Variants in GALNT6 observed in about 807,000 individuals in gnomAD.
GALNT6 encodes polypeptide N-acetylgalactosaminyltransferase 6.
A neutral mutation model predicts 65.9 loss-of-function variants in GALNT6; 51 were observed. The observed-to-expected ratio is 0.77, with a 90% confidence interval of 0.62 to 0.98. The LOEUF is 0.98. GALNT6 is among the 50% of genes least tolerant of loss of function. The probability of loss-of-function intolerance (pLI) is 0.00; values close to 1 mark genes in which losing one functional copy is unlikely to be tolerated. For missense variants in GALNT6, 708 were observed against 803.3 expected, an observed-to-expected ratio of 0.88 and a Z score of 1.43; for synonymous variants, 323 against 315.1, an observed-to-expected ratio of 1.02 and a Z score of -0.26.
chr12:51,358,203 T>C lies in GALNT6; in HGVS notation c.1427A>G (p.Asn476Ser), dbSNP rs1946808643. Residue 476 changes from asparagine to serine, a missense_variant, in exon 9 of 12, where the codon AAC (asparagine) becomes AGC (serine). Transcript: ENST00000356317. ...GACATTGTGCAGGTACCAGGAAAAG[T>C]TGTGACAGTGCAGTTGTTCCCTCAG... ...LQLREQLHCH[N>S]FSWYLHNVYP... 8 of 1,613,894 alleles carry C rather than the reference T, an allele frequency of 5.0e-6. No homozygotes were observed. The highest frequency in any genetic ancestry group is 1.3e-5 in the African/African-American group (1 of 74,888).
chr12:51,358,981 T>C, intron 8 of GALNT6, 151 bp downstream of exon 8: 1 of 678,964 alleles, frequency 1.5e-6, no homozygotes, highest in Non-Finnish European at 2.6e-6. Flanking sequence ...CCTTGTGGCC[T>C]TCTCCTGGGC....
chr12:51,362,441 C>T (rs185782129), intron 6 of GALNT6, among the ~76,000 whole-genome samples: 14 of 152,156 alleles, frequency 9.2e-5, no homozygotes, highest in African/African-American at 2.4e-4. Flanking sequence ...GGGGTGGGGG[C>T]GCTACATGAA....
intron 2 of GALNT6, among the ~76,000 whole-genome samples, chr12:51,390,498 C>G (rs999215830): frequency 6.6e-6 from 1 of 152,182 alleles, no homozygotes; most frequent in Non-Finnish European, 1.5e-5. Context: ...CTCACCTGAC[C>G]TGGTTTTCAT....
At chr12:51,356,058 G>C (rs1946735007) in intron 10 of GALNT6, 100 bp from the exon 11 acceptor site, 4 of 1,006,568 alleles carry the variant, frequency 4.0e-6, no homozygotes, top group African/African-American at 1.6e-5. Context: ...CTGGGGAGGA[G>C]AGTGAATGTG....
At position 51,353,244 on chromosome 12, in the gene GALNT6, T is replaced by C. The variant is rs1226640184; in HGVS notation, c.*1135A>G. The C allele has an allele frequency of 6.6e-6, 1 of 152,294 alleles. No individual in the cohort carries two copies. The highest frequency in any genetic ancestry group is 1.9e-4 in the East Asian group (1 of 5,184). 9.4% of individuals were successfully genotyped at this position (152,294 alleles called of 1,614,324 possible). A position where few individuals can be genotyped will look rare whatever the true frequency, so the allele number is the denominator to read the frequency against. On this transcript the variant is annotated 3_prime_UTR_variant, in exon 12 of 12. Coordinates refer to ENST00000356317, the MANE Select transcript of GALNT6 (RefSeq NM_007210.4). ...TCCTGTCTTTCTCACAGGATTACTGTACAGATAAAGTAAGATAAAGGACAC... is the reference window on the plus strand; with the variant it reads ...TCCTGTCTTTCTCACAGGATTACTGCACAGATAAAGTAAGATAAAGGACAC...
chr12:51,374,084 T>C (rs1375366178), intron 4 of GALNT6, among the ~76,000 whole-genome samples: 1 of 152,112 alleles, frequency 6.6e-6, no homozygotes, highest in Admixed American at 6.5e-5. Flanking sequence ...GGTCTTGAAC[T>C]CCTGGCCTCA....
At chr12:51,378,934 C>T (rs918854535) in intron 3 of GALNT6, among the ~76,000 whole-genome samples, 1 of 150,694 alleles carries the variant, frequency 6.6e-6, no homozygotes. Context: ...TGGAGCAGGC[C>T]TCAGTAGAGG....
At chr12:51,380,009 C>T (rs1423005495) in intron 2 of GALNT6, 125 bp from the exon 3 acceptor site, 4 of 555,184 alleles carry the variant, frequency 7.2e-6, no homozygotes, top group South Asian at 2.5e-5. Flanking sequence ...CCACAACTTT[C>T]CCATATCTAC....
chr12:51,366,374 G>A (rs1947108413), intron 4 of GALNT6, among the ~76,000 whole-genome samples: 2 of 152,184 alleles, frequency 1.3e-5, no homozygotes, highest in Admixed American at 6.5e-5. Context: ...CGGTAACGTC[G>A]ATGGGTGGGC....
In GALNT6 at chr12:51,359,249, G is replaced by A. The variant is rs776679757; in HGVS notation, c.1251C>T (p.Phe417=). Residue 417 remains phenylalanine, a synonymous_variant, in exon 8 of 12, where the codon TTC becomes TTT. Coordinates refer to ENST00000356317, the MANE Select transcript of GALNT6 (RefSeq NM_007210.4). ...GAGCAATGACACTAGTGCCCTTGGG[G>A]AAGGTGTGGGGGCTCTTGGTCCGGA... ...HVFRTKSPHT[F]PKGTSVIARN... is the part of the protein sequence containing the mutation. 1.9e-6 allele frequency: 3 copies of A among 1,614,008 alleles called. No individual in the cohort carries two copies. The highest frequency in any genetic ancestry group is 2.5e-6 in the Non-Finnish European group (3 of 1,179,860).
chr12:51,358,301 G>GTTT (rs5798170), intron 8 of GALNT6, 40 bp from the exon 9 acceptor site: 2,259 of 1,439,684 alleles, frequency 1.6e-3, no homozygotes, highest in South Asian at 3.3e-3. Context: ...AGTTCCACCA[G>GTTT]TTTTTTTTTT....
At chr12:51,368,752 A>AT (rs1046811863) in intron 4 of GALNT6, among the ~76,000 whole-genome samples, 2 of 152,066 alleles carry the variant, frequency 1.3e-5, no homozygotes, top group African/African-American at 4.8e-5. Context: ...TGAGGTGATT[A>AT]TGACATGGCG....
At chr12:51,355,332 C>T (rs954494487) in intron 11 of GALNT6, among the ~76,000 whole-genome samples, 1 of 152,298 alleles carries the variant, frequency 6.6e-6, no homozygotes, top group Non-Finnish European at 1.5e-5. Flanking sequence ...TCACCAAATA[C>T]CCTTTAAGCC....
Position 51,360,831 on chromosome 12 carries a change from TC to T in GALNT6, c.1056del (p.Thr353ArgfsTer53), listed in dbSNP as rs1946902098. On this transcript the variant is annotated frameshift_variant, in exon 7 of 12. Coordinates refer to ENST00000356317, the MANE Select transcript of GALNT6 (RefSeq NM_007210.4). LOFTEE classifies it high-confidence loss of function. Reference protein sequence around the residue: ...RKDETYPIKSPTFAGGLFSIS... With the variant: ...RKDETYPIKSXTFAGGLFSIS... Reference sequence around the variant, plus strand: ...ATGGAGAAGAGGCCACCAGCAAACGTCGGGGATCTGGAGAGACAGAGGGAGA... The same window carrying T: ...ATGGAGAAGAGGCCACCAGCAAACGTGGGGATCTGGAGAGACAGAGGGAGA... 3 of 1,608,466 alleles carry T rather than the reference TC, an allele frequency of 1.9e-6. No individual in the cohort carries two copies. In the East Asian group the frequency reaches 6.7e-5, roughly 36 times the overall value.
intron 4 of GALNT6, among the ~76,000 whole-genome samples, chr12:51,374,485 C>T (rs984808615): frequency 2.0e-5 from 3 of 152,192 alleles, no homozygotes; most frequent in Non-Finnish European, 4.4e-5. Context: ...GCCCTTCCTT[C>T]CACAGCCCTA....
intron 6 of GALNT6, 105 bp downstream of exon 6, chr12:51,364,009 ATGTCAAG>A (rs1173691612): frequency 1.7e-5 from 13 of 758,758 alleles, no homozygotes; most frequent in Non-Finnish European, 2.6e-5. Flanking sequence ...TAATCACAAT[ATGTCAAG>A]TGCTTGATAG....
chr12:51,377,344 C>T lies in GALNT6; in HGVS notation c.515G>A (p.Arg172His), dbSNP rs146516622. 1.5e-5 allele frequency: 24 copies of T among 1,612,468 alleles called. No individual in the cohort carries two copies. Among genetic ancestry groups the T allele is most frequent in the African/African-American group, 8.0e-5 (6 of 74,852 alleles). The stretch of plus-strand genomic sequence containing the variant: ...GCTGGTGGTGGCCAGTGGGGGGCAG[C>T]GCCGGAACTTCTGGTCCACACACCT... The part of the protein sequence containing the change: ...PPECVDQKFR[R>H]CPPLATTSVI... Residue 172 changes from arginine to histidine, a missense_variant, in exon 4 of 12, where the codon CGC becomes CAC. Coordinates refer to ENST00000356317, the MANE Select transcript of GALNT6 (RefSeq NM_007210.4).
intron 7 of GALNT6, among the ~76,000 whole-genome samples, chr12:51,360,433 G>A (rs1315465681): frequency 4.0e-5 from 6 of 151,648 alleles, no homozygotes; most frequent in Non-Finnish European, 8.8e-5. Context: ...CACAGACATC[G>A]CAAAAGAGTC....
chr12:51,360,906 CTGTT>C, intron 6 of GALNT6, 68 bp from the exon 7 acceptor site: 1 of 1,063,182 alleles, frequency 9.4e-7, no homozygotes. Flanking sequence ...GCGGGGAAAG[CTGTT>C]TGTGGACTCC....
Sources: allele counts gnomAD v4.1 joint callset (sites outside exome capture counted in the v4.1 genomes callset), GRCh38; gene constraint gnomAD v4.1.1; transcripts MANE v1.5; gene names NCBI Gene and HGNC (gene_info 2026-07-23, HGNC 2026-07-21).